FLRT1: variants seen among roughly 807,000 people sequenced by gnomAD.
FLRT1 encodes the protein fibronectin leucine rich transmembrane protein 1, also known as leucine-rich repeat transmembrane protein FLRT1.
In FLRT1, 14 loss-of-function variants were observed where a neutral mutation model predicts 30.9. The ratio of observed to expected loss-of-function variants is 0.45; its 90% CI spans 0.30 to 0.71. FLRT1 has a LOEUF of 0.71. Ranked by LOEUF, FLRT1 falls within the 30% of genes least tolerant of loss-of-function variation. FLRT1 has a pLI of 0.08. For missense variants in FLRT1, 737 were observed against 949.2 expected (o/e 0.78, Z 2.94); for synonymous variants, 368 against 430.4 (o/e 0.85, Z 1.80).
intron 1 of FLRT1, among the ~76,000 whole-genome samples, chr11:64,059,142 C>T (rs1943848765): frequency 6.6e-6 from 1 of 152,188 alleles, no homozygotes; most frequent in African/African-American, 2.4e-5. Context: ...TCCTTCTCTT[C>T]CTCTTCTGTG....
intron 1 of FLRT1, among the ~76,000 whole-genome samples, chr11:64,056,491 AAGAC>A (rs1239384593): frequency 7.9e-5 from 12 of 152,284 alleles, no homozygotes; most frequent in South Asian, 2.1e-4. Context: ...TACTAGAGAG[AAGAC>A]AGACGGACGG....
intron 1 of FLRT1, among the ~76,000 whole-genome samples, chr11:64,092,868 G>T (rs966951105): frequency 1.3e-5 from 2 of 152,242 alleles, no homozygotes; most frequent in African/African-American, 4.8e-5. Context: ...AAAGTCAATG[G>T]GTAACCGCTG....
rs188420020 is a variant in FLRT1, at chr11:64,115,968, A to T, written c.-49-251A>T. 1.8e-4 allele frequency among the ~76,000 whole-genome samples: 28 copies of T among 152,332 alleles called. No homozygotes were observed. In the East Asian group the frequency reaches 5.0e-3, roughly 27 times the overall value. ...GGCCGCGGCAGCACGGGTCTCATTA[A>T]TGCGCAGCCTCTTGGCTCCTGATAA... On this transcript the variant is annotated intron_variant, in intron 2 of 2. Transcript: ENST00000682287.
intron 2 of FLRT1, among the ~76,000 whole-genome samples, chr11:64,107,187 GCTTT>G (rs1386639863): frequency 1.3e-5 from 2 of 152,206 alleles, no homozygotes; most frequent in Non-Finnish European, 2.9e-5. Context: ...AGCCCACTGG[GCTTT>G]CTTTTTCCCT....
intron 2 of FLRT1, among the ~76,000 whole-genome samples, chr11:64,111,883 C>G (rs950975135): frequency 6.6e-6 from 1 of 152,182 alleles, no homozygotes; most frequent in Non-Finnish European, 1.5e-5. Context: ...AGGAGGCTCA[C>G]AGGAGAGTGG....
chr11:64,111,421 C>T (rs1458617906), intron 2 of FLRT1, among the ~76,000 whole-genome samples: 1 of 152,348 alleles, frequency 6.6e-6, no homozygotes, highest in African/African-American at 2.4e-5. Context: ...CTTCCTGTCT[C>T]TAGCATTGCC....
intron 1 of FLRT1, among the ~76,000 whole-genome samples, chr11:64,040,394 C>T (rs1462414922): frequency 1.3e-5 from 2 of 152,226 alleles, no homozygotes; most frequent in South Asian, 2.1e-4. Context: ...TGGAGACCCC[C>T]GGCAGGAGGG....
At chr11:64,053,416 C>T (rs1049255154) in intron 1 of FLRT1, among the ~76,000 whole-genome samples, 4 of 152,298 alleles carry the variant, frequency 2.6e-5, no homozygotes, top group South Asian at 2.1e-4. Flanking sequence ...ACTTAGAGGC[C>T]GGCCCTCCCT....
chr11:64,044,496 G>A (rs768114783), intron 1 of FLRT1, among the ~76,000 whole-genome samples: 2 of 152,036 alleles, frequency 1.3e-5, no homozygotes, highest in Non-Finnish European at 2.9e-5. Flanking sequence ...CGATCCTCCC[G>A]CCTTGGCCTC....
At chr11:64,038,019 G>A (rs79583352) in intron 1 of FLRT1, among the ~76,000 whole-genome samples, 287 of 152,270 alleles carry the variant, frequency 1.9e-3, no homozygotes, top group African/African-American at 5.5e-3. Context: ...TCGGGGGGTC[G>A]GATTTTCCCA....
intron 1 of FLRT1, among the ~76,000 whole-genome samples, chr11:64,040,667 A>T (rs192568724): frequency 6.6e-6 from 1 of 152,286 alleles, no homozygotes; most frequent in East Asian, 1.9e-4. Flanking sequence ...GGGCTTGTTT[A>T]TGACGGGGGC....
rs11820182 is a variant in FLRT1, at chr11:64,042,843, G to A, written c.-1038+6684G>A. 7.7e-3 allele frequency among the ~76,000 whole-genome samples: 1,172 copies of A among 152,304 alleles called. 19 individuals are homozygous for A. Among genetic ancestry groups the A allele is most frequent in the African/African-American group, 0.027 (1,123 of 41,558 alleles). On this transcript the variant is annotated intron_variant, in intron 1 of 2. Transcript: ENST00000682287. ...CCCACCAGGCTTGGGCTAGCCAGAG[G>A]GGCTGGGTAGTGCCACACCCCAGTT...
In FLRT1 at chr11:64,036,668, A is replaced by T. The variant is rs1012915300; in HGVS notation, c.-1038+509A>T. Among the ~76,000 whole-genome samples the T allele has an allele frequency of 7.2e-5, 11 of 152,080 alleles. No homozygotes were observed. Among genetic ancestry groups the T allele is most frequent in the Non-Finnish European group, 1.5e-4 (10 of 67,990 alleles). On this transcript the variant is annotated intron_variant, in intron 1 of 2. Transcript: ENST00000682287. This position sits in a 1 kb window ranked among gnomAD's most constrained non-coding sequence, Gnocchi z 5.6. ...GGAGCGAGGTTTTATTTTTAAAACG[A>T]CTTCAAGGGGGGCATGAGCAGCCTC...
chr11:64,052,022 T>A (rs1207974846), intron 1 of FLRT1, among the ~76,000 whole-genome samples: 1 of 151,060 alleles, frequency 6.6e-6, no homozygotes, highest in Non-Finnish European at 1.5e-5. Context: ...GGCTTGCTAA[T>A]GAACTTGGCT....
intron 1 of FLRT1, among the ~76,000 whole-genome samples, chr11:64,050,657 C>T (rs564042653): frequency 3.3e-5 from 5 of 152,348 alleles, no homozygotes; most frequent in Middle Eastern, 3.4e-3. Context: ...TCACTCTTGT[C>T]GCCCAGGCTG....
At chr11:64,066,350 C>T (rs1014829640) in intron 1 of FLRT1, among the ~76,000 whole-genome samples, 2 of 148,570 alleles carry the variant, frequency 1.3e-5, no homozygotes, top group Non-Finnish European at 3.0e-5. Flanking sequence ...GGGTGGCTCA[C>T]ACCTGTAGTC....
intron 1 of FLRT1, among the ~76,000 whole-genome samples, chr11:64,092,590 C>G (rs959704630): frequency 2.0e-5 from 3 of 152,256 alleles, no homozygotes; most frequent in African/African-American, 7.2e-5. Context: ...CTCCTCTGCC[C>G]CGTCCACTCC....
chr11:64,039,220 G>A (rs540186130), intron 1 of FLRT1, among the ~76,000 whole-genome samples: 2 of 152,212 alleles, frequency 1.3e-5, no homozygotes, highest in African/African-American at 2.4e-5. Flanking sequence ...GTGGGTGAGC[G>A]AGCGTGGGTG....
chr11:64,061,212 C>T (rs1943896886), intron 1 of FLRT1, among the ~76,000 whole-genome samples: 1 of 152,252 alleles, frequency 6.6e-6, no homozygotes, highest in Non-Finnish European at 1.5e-5. Flanking sequence ...CTTCTAACCC[C>T]TGTAATAAAT....
Sources: gnomAD v4.1 joint callset for allele counts (sites outside exome capture counted in the v4.1 genomes callset) on GRCh38, gnomAD v4.1.1 for gene constraint, Gnocchi (gnomAD v3.1) non-coding constraint, MANE v1.5 for transcripts, NCBI Gene and HGNC (gene_info 2026-07-23, HGNC 2026-07-21) for gene names.